Variants in MYO16 observed in about 807,000 individuals in gnomAD.
MYO16 encodes unconventional myosin-XVI.
In MYO16, 94 loss-of-function variants were observed where a neutral mutation model predicts 205.3. The ratio of observed to expected loss-of-function variants is 0.46; its 90% CI spans 0.39 to 0.54. MYO16 has a LOEUF of 0.54. MYO16 is among the 20% of genes least tolerant of loss of function. The pLI, the probability that MYO16 is intolerant of heterozygous loss-of-function variation, is 0.00. For missense variants in MYO16, 2,315 were observed against 2,387.5 expected (o/e 0.97, Z 0.63); for synonymous variants, 988 against 954.0 (o/e 1.04, Z -0.66).
chr13:108,889,844 A>G (rs1333575486), intron 14 of MYO16, among the ~76,000 whole-genome samples: 5 of 152,220 alleles, frequency 3.3e-5, no homozygotes, highest in Non-Finnish European at 7.3e-5. Flanking sequence ...TGCCTGTCCA[A>G]CGAATTTCCT....
intron 33 of MYO16, among the ~76,000 whole-genome samples, chr13:109,178,172 A>T (rs1488266965): frequency 6.6e-6 from 1 of 151,968 alleles, no homozygotes; most frequent in African/African-American, 2.4e-5. Context: ...TCTGACACTC[A>T]CTGTGATTGG....
intron 2 of MYO16, among the ~76,000 whole-genome samples, chr13:108,690,131 G>A (rs545493042): frequency 6.6e-6 from 1 of 152,046 alleles, no homozygotes; most frequent in South Asian, 2.1e-4. Flanking sequence ...TTCAGAAGGT[G>A]GATACCATGC....
chr13:108,756,585 G>T (rs1885428471), intron 4 of MYO16, among the ~76,000 whole-genome samples: 1 of 151,910 alleles, frequency 6.6e-6, no homozygotes, highest in East Asian at 1.9e-4. Context: ...AATCATTTAT[G>T]TTAATATTGT....
Position 108,844,314 on chromosome 13 carries a change from A to G in MYO16, c.1098-29A>G, listed in dbSNP as rs769949691. On this transcript the variant is annotated intron_variant, in intron 9 of 34. Transcript: ENST00000457511. ...ATTGATAAAACATTAGAAAGAGACT[A>G]ATTGTAGTATTGATTTTTTTTCCTG... 4 of 1,584,810 alleles carry G rather than the reference A, an allele frequency of 2.5e-6. No individual in the cohort carries two copies. The African/African-American group carries it at 5.4e-5, about 21-fold the overall frequency.
rs1876338883 is a variant in MYO16 at position 109,127,828 on chromosome 13, T to TATTCC, written c.4051+281_4051+285dup. On this transcript the variant is annotated intron_variant, in intron 31 of 34. Transcript: ENST00000457511. This position sits in a 1 kb window ranked among gnomAD's most constrained non-coding sequence, Gnocchi z 4.2. Reference sequence around the variant, plus strand: ...CAAATCAATTCAGAAAGTCGGCAGCTATTCCATGTAAAGGTTCACCAATGA... The same window carrying TATTCC: ...CAAATCAATTCAGAAAGTCGGCAGCTATTCCATTCCATGTAAAGGTTCACCAATGA... 2.1e-5 allele frequency among the ~76,000 whole-genome samples: 3 copies of TATTCC among 145,896 alleles called. No homozygotes were observed. In the Admixed American group the frequency reaches 2.1e-4, roughly 10 times the overall value.
At chr13:108,737,360 T>A (rs1249763141) in intron 4 of MYO16, among the ~76,000 whole-genome samples, 1 of 152,234 alleles carries the variant, frequency 6.6e-6, no homozygotes, top group African/African-American at 2.4e-5. Context: ...GCTGTTGAAT[T>A]TTTTCAAAGG....
At chr13:108,615,716 A>G (rs1879328151) in intron 1 of MYO16, among the ~76,000 whole-genome samples, 1 of 152,218 alleles carries the variant, frequency 6.6e-6, no homozygotes. Context: ...CATATGGTAT[A>G]ACCTCATTTG....
intron 15 of MYO16, among the ~76,000 whole-genome samples, chr13:108,899,508 T>A (rs1468120278): frequency 6.6e-6 from 1 of 152,210 alleles, no homozygotes. Context: ...AAAGGAAAGC[T>A]ATTCAATCAT....
At chr13:108,666,868 C>G (rs952929015) in intron 2 of MYO16, among the ~76,000 whole-genome samples, 1 of 152,156 alleles carries the variant, frequency 6.6e-6, no homozygotes, top group Non-Finnish European at 1.5e-5. Flanking sequence ...AACCCACTTT[C>G]CCAAGTTCAA....
the MYO16 span, among the ~76,000 whole-genome samples, chr13:108,544,593 C>G: frequency 1.1e-4 from 17 of 152,044 alleles, no homozygotes; most frequent in Non-Finnish European, 1.9e-4. Context: ...TATAGTTATA[C>G]CTATCTAACT....
intron 1 of MYO16, among the ~76,000 whole-genome samples, chr13:108,621,607 G>A (rs1879544775): frequency 6.6e-6 from 1 of 152,016 alleles, no homozygotes; most frequent in Non-Finnish European, 1.5e-5. Flanking sequence ...GTCTACTCCT[G>A]ACATCCAGTC....
intron 16 of MYO16, among the ~76,000 whole-genome samples, chr13:108,939,896 A>G (rs929060490): frequency 6.6e-6 from 1 of 152,184 alleles, no homozygotes; most frequent in Non-Finnish European, 1.5e-5. Context: ...CATATCATAT[A>G]TTAGCTTTAC....
chr13:108,821,256 C>T (rs1209331908), intron 8 of MYO16, among the ~76,000 whole-genome samples: 1 of 152,004 alleles, frequency 6.6e-6, no homozygotes, highest in Non-Finnish European at 1.5e-5. Flanking sequence ...TCTAATAAAT[C>T]TCCAGTTAAA....
At chr13:108,819,594 T>C (rs917166779) in intron 7 of MYO16, among the ~76,000 whole-genome samples, 2 of 152,160 alleles carry the variant, frequency 1.3e-5, no homozygotes, top group Non-Finnish European at 2.9e-5. Flanking sequence ...AAGTGGAGTA[T>C]ACAGAAATTT....
At chr13:108,688,817 G>A (rs918598677) in intron 2 of MYO16, among the ~76,000 whole-genome samples, 2 of 152,194 alleles carry the variant, frequency 1.3e-5, no homozygotes, top group African/African-American at 2.4e-5. Context: ...TGGAAGCAGT[G>A]ATGTGTGAGT....
chr13:109,031,759 T>A (rs1014678549), intron 23 of MYO16, among the ~76,000 whole-genome samples: 1 of 152,194 alleles, frequency 6.6e-6, no homozygotes, highest in Non-Finnish European at 1.5e-5. Flanking sequence ...TTTTTCCTTG[T>A]AACCAGATAA....
At chr13:108,510,455 A>T in the MYO16 span, among the ~76,000 whole-genome samples, 10 of 58,642 alleles carry the variant, frequency 1.7e-4, no homozygotes, top group Admixed American at 5.8e-4. Flanking sequence ...TTTAACATTG[A>T]TAGCTGTTTT....
intron 23 of MYO16, among the ~76,000 whole-genome samples, chr13:109,038,974 A>G (rs947635131): frequency 1.3e-5 from 2 of 152,102 alleles, no homozygotes; most frequent in Admixed American, 6.5e-5. Context: ...CAGAGATAAT[A>G]CCCCACTACC....
At chr13:109,204,397 A>C (rs1024592681) in intron 34 of MYO16, among the ~76,000 whole-genome samples, 3 of 152,166 alleles carry the variant, frequency 2.0e-5, no homozygotes, top group Non-Finnish European at 2.9e-5. Context: ...ATAAATATGA[A>C]TGTTCCATGT....
Sources: gnomAD v4.1 joint callset for allele counts (sites outside exome capture counted in the v4.1 genomes callset) on GRCh38, gnomAD v4.1.1 for gene constraint, Gnocchi (gnomAD v3.1) non-coding constraint, MANE v1.5 for transcripts, NCBI Gene and HGNC (gene_info 2026-07-23, HGNC 2026-07-21) for gene names.